Variants in MPP7 observed in about 807,000 individuals in gnomAD.
MPP7 encodes the protein MAGUK p55 scaffold protein 7, also known as MAGUK p55 subfamily member 7.
A neutral mutation model predicts 76.5 loss-of-function variants in MPP7; 60 were observed. That is an observed-to-expected ratio of 0.78 (90% CI 0.64 to 0.97). The LOEUF is 0.97. Among genes scored for constraint, MPP7 ranks in the 50% least tolerant of loss-of-function variants. MPP7 has a pLI of 0.00. For missense variants in MPP7, 641 were observed against 694.0 expected (o/e 0.92, Z 0.86); for synonymous variants, 237 against 244.5 (o/e 0.97, Z 0.29).
chr10:28,259,568 CAGAG>C, intron 1 of MPP7, among the ~76,000 whole-genome samples: 1 of 136,904 alleles, frequency 7.3e-6, no homozygotes, highest in Non-Finnish European at 1.5e-5. Flanking sequence ...GCCTGGGTGA[CAGAG>C]AGAGACTCCA....
chr10:28,212,825 T>C (rs1588932420), intron 2 of MPP7, among the ~76,000 whole-genome samples: 1 of 152,162 alleles, frequency 6.6e-6, no homozygotes, highest in South Asian at 2.1e-4. Flanking sequence ...GATTTAGCAA[T>C]GCGCAGGGTA....
intron 5 of MPP7, among the ~76,000 whole-genome samples, chr10:28,139,683 C>T (rs1036597834): frequency 5.9e-5 from 9 of 152,162 alleles, no homozygotes; most frequent in Admixed American, 3.3e-4. Flanking sequence ...TGAAAGTGCA[C>T]GGCAAAAAGG....
chr10:28,186,111 C>A (rs987814853), intron 3 of MPP7, among the ~76,000 whole-genome samples: 1 of 152,124 alleles, frequency 6.6e-6, no homozygotes, highest in Non-Finnish European at 1.5e-5. Context: ...CTCTGGGAGG[C>A]TAAGGCAGGT....
At chr10:28,240,222 TAAC>T (rs535507042) in intron 1 of MPP7, among the ~76,000 whole-genome samples, 140 of 152,262 alleles carry the variant, frequency 9.2e-4, no homozygotes, top group African/African-American at 3.2e-3. Flanking sequence ...TAACATATAT[TAAC>T]AACAACAAAA....
chr10:28,317,236 T>C (rs1268703736), intron 2 of MPP7, among the ~76,000 whole-genome samples: 2 of 152,136 alleles, frequency 1.3e-5, no homozygotes, highest in Non-Finnish European at 2.9e-5. Flanking sequence ...TATATAAAAG[T>C]TGTTTATTTG....
chr10:28,140,998 A>AT (rs534566537), intron 5 of MPP7, among the ~76,000 whole-genome samples: 1 of 152,036 alleles, frequency 6.6e-6, no homozygotes, highest in East Asian at 1.9e-4. Context: ...TCTCAGGATG[A>AT]TTTTTTTTAA....
intron 1 of MPP7, among the ~76,000 whole-genome samples, chr10:28,293,352 A>AT (rs1491440394): frequency 2.0e-5 from 3 of 152,220 alleles, no homozygotes; most frequent in Non-Finnish European, 2.9e-5. Flanking sequence ...GAACAATAAC[A>AT]TATCACTTTG....
intron 12 of MPP7, among the ~76,000 whole-genome samples, chr10:28,072,303 T>G (rs1196128418): frequency 6.6e-6 from 1 of 151,994 alleles, no homozygotes; most frequent in Non-Finnish European, 1.5e-5. Flanking sequence ...GAATAGTATG[T>G]GGGATGAGAC....
chr10:28,267,486 T>C (rs900269170), intron 1 of MPP7, among the ~76,000 whole-genome samples: 2 of 152,096 alleles, frequency 1.3e-5, no homozygotes, highest in Non-Finnish European at 2.9e-5. Context: ...GCATCTCTAA[T>C]ACAAAAATCT....
rs371424809 is a variant in MPP7 at position 28,124,023 on chromosome 10, C to T, written c.615+8G>A. 322 of 1,577,510 alleles carry T rather than the reference C, an allele frequency of 2.0e-4. No individual in the cohort carries two copies. The highest frequency in any genetic ancestry group is 2.7e-4 in the Non-Finnish European group (305 of 1,147,602). On this transcript the variant is annotated splice_region_variant and intron_variant, in intron 8 of 16. Transcript: ENST00000683449. ...TTATTGTACCTTTAAAAGAAATTTACAGCTTACCAAAATCTGTATTATTTC... is the reference window on the plus strand; with the variant it reads ...TTATTGTACCTTTAAAAGAAATTTATAGCTTACCAAAATCTGTATTATTTC...
At chr10:28,230,650 C>CA (rs983816633) in intron 2 of MPP7, among the ~76,000 whole-genome samples, 17 of 151,464 alleles carry the variant, frequency 1.1e-4, no homozygotes, top group African/African-American at 3.6e-4. Context: ...CCCATCTCTA[C>CA]AAAAAAAATA....
Position 28,054,203 on chromosome 10 carries a change from C to T in MPP7, c.1593G>A (p.Met531Ile), listed in dbSNP as rs902487609. The part of the protein sequence containing the change: ...FQEMIKSAQI[M>I]ESQYGHLFDK... ...CAAAAAGATGACCATATTGACTTTC[C>T]ATTATCTGTGCAGATTTAATCATTT... is the stretch of plus-strand genomic sequence containing the variant. Residue 531 changes from methionine to isoleucine, a missense_variant, in exon 17 of 17, where the codon ATG becomes ATA. By Grantham distance (10) the Met-to-Ile change is conservative (BLOSUM62 1). Transcript: ENST00000683449. The T allele has an allele frequency of 7.5e-6, 12 of 1,596,576 alleles. No homozygotes were observed. Among genetic ancestry groups the T allele is most frequent in the Admixed American group, 1.7e-5 (1 of 59,144 alleles).
intron 2 of MPP7, among the ~76,000 whole-genome samples, chr10:28,327,584 T>A (rs1478356102): frequency 6.6e-6 from 1 of 152,190 alleles, no homozygotes; most frequent in African/African-American, 2.4e-5. Flanking sequence ...TCTAGTTTAT[T>A]TATTTATTTA....
At chr10:28,196,259 T>A (rs1447136207) in intron 3 of MPP7, among the ~76,000 whole-genome samples, 1 of 152,118 alleles carries the variant, frequency 6.6e-6, no homozygotes, top group African/African-American at 2.4e-5. Flanking sequence ...GGCAGGTGGA[T>A]CACCCAAGGT....
intron 1 of MPP7, among the ~76,000 whole-genome samples, chr10:28,255,132 T>G (rs975656371): frequency 2.0e-5 from 3 of 152,142 alleles, no homozygotes; most frequent in African/African-American, 7.2e-5. Flanking sequence ...AGAAAAGGGA[T>G]AGGAACTCAT....
chr10:28,223,732 G>T (rs950223956), intron 2 of MPP7, among the ~76,000 whole-genome samples: 1 of 151,988 alleles, frequency 6.6e-6, no homozygotes, highest in African/African-American at 2.4e-5. Flanking sequence ...TTTCTGATCT[G>T]AGTCTCAAGT....
At chr10:28,179,783 C>T (rs1837000830) in intron 3 of MPP7, among the ~76,000 whole-genome samples, 1 of 152,102 alleles carries the variant, frequency 6.6e-6, no homozygotes, top group South Asian at 2.1e-4. Context: ...AATATTTATT[C>T]AAATTAAAAG....
At chr10:28,273,572 A>G (rs1180715634) in intron 1 of MPP7, among the ~76,000 whole-genome samples, 1 of 152,174 alleles carries the variant, frequency 6.6e-6, no homozygotes, top group East Asian at 1.9e-4. Context: ...ATTCCAGCTT[A>G]CTCACCCACA....
At chr10:28,178,265 G>A (rs1836941642) in intron 3 of MPP7, among the ~76,000 whole-genome samples, 1 of 151,970 alleles carries the variant, frequency 6.6e-6, no homozygotes, top group Admixed American at 6.6e-5. Context: ...GGAAAGGCGA[G>A]AAGGAATCCA....
Sources: gnomAD v4.1 joint callset for allele counts (sites outside exome capture counted in the v4.1 genomes callset) on GRCh38, gnomAD v4.1.1 for gene constraint, MANE v1.5 for transcripts, NCBI Gene and HGNC (gene_info 2026-07-23, HGNC 2026-07-21) for gene names.